TAB2: variants seen among roughly 807,000 people sequenced by gnomAD.
TAB2 encodes TGF-beta activated kinase 1 (MAP3K7) binding protein 2.
A neutral mutation model predicts 65.0 loss-of-function variants in TAB2; 3 were observed. The observed-to-expected ratio is 0.05, with a 90% CI of 0.02 to 0.12. TAB2 has a LOEUF of 0.12. TAB2 is among the 10% of genes least tolerant of loss of function. TAB2 has a pLI of 1.00. For synonymous variants in TAB2, 298 were observed against 285.1 expected (o/e 1.05, Z -0.46); for missense variants, 623 against 840.3 (o/e 0.74, Z 3.20).
intron 1 of TAB2, among the ~76,000 whole-genome samples, chr6:149,237,183 G>A (rs1777510456): frequency 6.6e-6 from 1 of 152,190 alleles, no homozygotes; most frequent in Non-Finnish European, 1.5e-5. Context: ...TGAGCAGAAT[G>A]AGACAAAAAC....
At chr6:149,334,481 C>T (rs1187952958) in intron 1 of TAB2, among the ~76,000 whole-genome samples, 6 of 152,026 alleles carry the variant, frequency 3.9e-5, no homozygotes. Context: ...GAGTTTGAGA[C>T]CAGCCTGGGC....
At chr6:149,256,421 A>T (rs1282095742) in intron 1 of TAB2, among the ~76,000 whole-genome samples, 2 of 152,230 alleles carry the variant, frequency 1.3e-5, no homozygotes, top group African/African-American at 4.8e-5. Flanking sequence ...ACTCTTTCAT[A>T]CACATCATTG....
At chr6:149,233,098 C>T (rs538222728) in intron 1 of TAB2, among the ~76,000 whole-genome samples, 2 of 152,276 alleles carry the variant, frequency 1.3e-5, no homozygotes, top group African/African-American at 4.8e-5. Context: ...ACCCACCAGC[C>T]GGAAGATGGA....
chr6:149,285,743 C>T (rs906701232), intron 1 of TAB2, among the ~76,000 whole-genome samples: 1 of 152,148 alleles, frequency 6.6e-6, no homozygotes, highest in African/African-American at 2.4e-5. Flanking sequence ...GGTAGGTGGA[C>T]AAACTGACGT....
intron 1 of TAB2, among the ~76,000 whole-genome samples, chr6:149,351,507 T>A (rs1780489457): frequency 6.6e-6 from 1 of 152,216 alleles, no homozygotes; most frequent in Non-Finnish European, 1.5e-5. Flanking sequence ...TTCTCCATTT[T>A]ACGAAGAATG....
intron 6 of TAB2, 132 bp downstream of exon 6, chr6:149,399,316 G>T (rs1363650810): frequency 1.4e-6 from 1 of 699,916 alleles, no homozygotes; most frequent in Non-Finnish European, 2.5e-6. Context: ...TCATTAAGAA[G>T]ATGTTTGCTT....
At chr6:149,381,129 TAAGTA>T (rs1316958496) in intron 3 of TAB2, among the ~76,000 whole-genome samples, 1 of 152,238 alleles carries the variant, frequency 6.6e-6, no homozygotes, top group East Asian at 1.9e-4. Context: ...TGCCCAAACT[TAAGTA>T]AAGTGAATCC....
chr6:149,351,441 T>G (rs1022862671), intron 1 of TAB2, among the ~76,000 whole-genome samples: 1 of 152,240 alleles, frequency 6.6e-6, no homozygotes, highest in Non-Finnish European at 1.5e-5. Flanking sequence ...AGGACAGATA[T>G]AATGCAATTG....
intron 1 of TAB2, among the ~76,000 whole-genome samples, chr6:149,361,854 C>G (rs1447057605): frequency 1.3e-5 from 2 of 152,226 alleles, no homozygotes; most frequent in East Asian, 3.8e-4. Flanking sequence ...AATCATCACT[C>G]TTAAGTTGAA....
chr6:149,274,671 T>G (rs1194521256), intron 1 of TAB2, among the ~76,000 whole-genome samples: 1 of 152,180 alleles, frequency 6.6e-6, no homozygotes, highest in Non-Finnish European at 1.5e-5. Context: ...AGAGTAATGA[T>G]TTGGGCCTTC....
chr6:149,365,483 C>T (rs1179877477), intron 1 of TAB2, among the ~76,000 whole-genome samples: 1 of 152,034 alleles, frequency 6.6e-6, no homozygotes, highest in Non-Finnish European at 1.5e-5. Flanking sequence ...CTTCTGATGC[C>T]TCCATTGTTT....
chr6:149,302,567 T>C (rs936630199), intron 1 of TAB2, among the ~76,000 whole-genome samples: 5 of 152,216 alleles, frequency 3.3e-5, no homozygotes, highest in Non-Finnish European at 4.4e-5. Context: ...ATAGAGTTAC[T>C]ATTGCAGTCT....
chr6:149,357,426 A>ACAC (rs1554261730), intron 1 of TAB2, among the ~76,000 whole-genome samples: 19 of 73,628 alleles, frequency 2.6e-4, no homozygotes, highest in African/African-American at 1.2e-3. Context: ...AAGGAGAAAA[A>ACAC]AAAAACACAC....
chr6:149,282,163 C>CAA (rs34466629), intron 1 of TAB2, among the ~76,000 whole-genome samples: 79 of 144,690 alleles, frequency 5.5e-4, no homozygotes, highest in African/African-American at 7.4e-4. Context: ...AAGACTCTGT[C>CAA]AAAAAAAAAA....
At position 149,399,518 on chromosome 6, in the gene TAB2, C is replaced by G. The variant is rs568184689; in HGVS notation, c.1939+334C>G. Among the ~76,000 whole-genome samples, 40 of 140,286 alleles carry G rather than the reference C, an allele frequency of 2.9e-4. 1 individual carries two copies. Among genetic ancestry groups the G allele is most frequent in the Admixed American group, 2.6e-3 (36 of 13,598 alleles). The allele number at this position is 140,286 out of a possible 152,430, so 92.0% of individuals were successfully genotyped here. ...CTTTAGACAAATGATAAGGAAGATA[C>G]CTTAGGGAAGTTCCCCCCCCCCATG... On this transcript the variant is annotated intron_variant, in intron 6 of 6. Transcript: ENST00000637181.
chr6:149,226,413 G>T (rs1456138996), intron 1 of TAB2, among the ~76,000 whole-genome samples: 1 of 152,138 alleles, frequency 6.6e-6, no homozygotes, highest in Non-Finnish European at 1.5e-5. Flanking sequence ...CCATTAACTG[G>T]CATCCATAAT....
At chr6:149,261,356 G>A (rs181794006) in intron 1 of TAB2, among the ~76,000 whole-genome samples, 1 of 152,288 alleles carries the variant, frequency 6.6e-6, no homozygotes, top group East Asian at 1.9e-4. Flanking sequence ...GTTTAAAGGA[G>A]ATGCTATAAA....
At chr6:149,336,214 C>T (rs1439706085) in intron 1 of TAB2, among the ~76,000 whole-genome samples, 1 of 152,140 alleles carries the variant, frequency 6.6e-6, no homozygotes, top group Non-Finnish European at 1.5e-5. Context: ...TTTAGTGCTC[C>T]TTCCTTGATT....
upstream of TAB2, among the ~76,000 whole-genome samples, chr6:149,313,658 ACTT>A (rs1487521954): frequency 6.6e-6 from 1 of 151,826 alleles, no homozygotes; most frequent in Non-Finnish European, 1.5e-5. Flanking sequence ...TCCTCCCATA[ACTT>A]CTTCTCTTCT....
Sources: allele counts gnomAD v4.1 joint callset (sites outside exome capture counted in the v4.1 genomes callset), GRCh38; gene constraint gnomAD v4.1.1; transcripts MANE v1.5; gene names NCBI Gene and HGNC (gene_info 2026-07-23, HGNC 2026-07-21).